The following ARL10 variants were observed in gnomAD, a reference collection of about 807,000 sequenced individuals.
The protein encoded by ARL10 is ADP-ribosylation factor-like protein 10.
ARL10 carries 23 observed loss-of-function variants against 26.1 expected under a neutral mutation model. The ratio of observed to expected loss-of-function variants is 0.88; its 90% CI spans 0.63 to 1.25. ARL10 has a LOEUF of 1.25. ARL10 is among the 50% of genes most tolerant of loss of function. The probability of loss-of-function intolerance (pLI) is 0.00; values close to 1 mark genes in which losing one functional copy is unlikely to be tolerated. For synonymous variants in ARL10, 138 were observed against 149.1 expected (o/e 0.93, Z 0.54); for missense variants, 300 against 323.6 (o/e 0.93, Z 0.56).
chr5:176,414,900 G>A, the ARL10 span, among the ~76,000 whole-genome samples: 2 of 152,200 alleles, frequency 1.3e-5, no homozygotes, highest in African/African-American at 4.8e-5. Flanking sequence ...ACACACAGTA[G>A]GTGCTCAGTA....
At chr5:176,415,008 G>A in the ARL10 span, among the ~76,000 whole-genome samples, 4 of 152,076 alleles carry the variant, frequency 2.6e-5, no homozygotes, top group Non-Finnish European at 5.9e-5. Context: ...ACTACAACAG[G>A]CCCATAAACC....
At position 176,375,223 on chromosome 5, in the gene ARL10, C is replaced by CCCACCCAT. The variant is rs1768659857; in HGVS notation, c.*3331_*3332insCCCATCCA. 2 of 90,474 alleles carry CCCACCCAT rather than the reference C, an allele frequency of 2.2e-5. No individual in the cohort carries two copies. The highest frequency in any genetic ancestry group is 3.8e-4 in the East Asian group (1 of 2,652). The allele number at this position is 90,474 out of a possible 1,614,324, so 5.6% of individuals were successfully genotyped here. A position where few individuals can be genotyped will look rare whatever the true frequency, so the allele number is the denominator to read the frequency against. On this transcript the variant is annotated 3_prime_UTR_variant, in exon 4 of 4. Coordinates refer to ENST00000310389, the MANE Select transcript of ARL10 (RefSeq NM_173664.6). Reference sequence around the variant, plus strand: ...ATCCATCCACTCATCCACCCATCCACCCATCCATCCATCCATCCATCCATC... The same window carrying CCCACCCAT: ...ATCCATCCACTCATCCACCCATCCACCCACCCATCCATCCATCCATCCATCCATCCATC...
In ARL10 at chr5:176,374,006, A is replaced by G. The variant is rs2113557395; in HGVS notation, c.*2111A>G. 6.6e-6 allele frequency: 1 copy of G among 152,324 alleles called. No individual in the cohort carries two copies. Among genetic ancestry groups the G allele is most frequent in the East Asian group, 1.9e-4 (1 of 5,176 alleles). 9.4% of individuals were successfully genotyped at this position (152,324 alleles called of 1,614,324 possible). A position where few individuals can be genotyped will look rare whatever the true frequency, so the allele number is the denominator to read the frequency against. Reference sequence around the variant, plus strand: ...CACAATGTGTGTAGGCTACATTTATAGCCAGAGAAACGAAAATAACTTAGG... The same window carrying G: ...CACAATGTGTGTAGGCTACATTTATGGCCAGAGAAACGAAAATAACTTAGG... On this transcript the variant is annotated 3_prime_UTR_variant, in exon 4 of 4. Transcript: ENST00000310389.
rs889821303 is a variant in ARL10 at position 176,374,137 on chromosome 5, G to A, written c.*2242G>A. The A allele has an allele frequency of 6.6e-5, 10 of 152,154 alleles. No individual in the cohort carries two copies. The highest frequency in any genetic ancestry group is 2.4e-4 in the African/African-American group (10 of 41,424). 9.4% of individuals were successfully genotyped at this position (152,154 alleles called of 1,614,324 possible). A position where few individuals can be genotyped will look rare whatever the true frequency, so the allele number is the denominator to read the frequency against. ...TGGCTGCTGTGATTGGCTAAAATTC[G>A]GCTACTTGTTAGAAGAACATACTTT... On this transcript the variant is annotated 3_prime_UTR_variant, in exon 4 of 4. Transcript: ENST00000310389.
downstream of ARL10, chr5:176,392,598 G>T: frequency 1.6e-6 from 1 of 643,404 alleles, no homozygotes; most frequent in Non-Finnish European, 2.7e-6. The surrounding 1 kb of genome is among the most constrained non-coding windows in gnomAD (Gnocchi z 5.2). Context: ...GGACCAGAGG[G>T]CCAGGAGGGA....
chr5:176,393,323 G>A (rs1756342416), downstream of ARL10, among the ~76,000 whole-genome samples: 1 of 152,090 alleles, frequency 6.6e-6, no homozygotes, highest in African/African-American at 2.4e-5. The surrounding 1 kb of genome is among the most constrained non-coding windows in gnomAD (Gnocchi z 4.4). Flanking sequence ...GACCCTTGGA[G>A]GTCCTAGGAC....
chr5:176,393,071 CTT>C, downstream of ARL10: 1 of 1,077,340 alleles, frequency 9.3e-7, no homozygotes, highest in Non-Finnish European at 1.4e-6. The surrounding 1 kb of genome is among the most constrained non-coding windows in gnomAD (Gnocchi z 4.4). Context: ...GCCCCCCTGA[CTT>C]CAGAGGAGGG....
the ARL10 span, among the ~76,000 whole-genome samples, chr5:176,410,839 T>A: frequency 6.6e-6 from 1 of 152,032 alleles, no homozygotes; most frequent in African/African-American, 2.4e-5. Flanking sequence ...CAGAAGCACC[T>A]GGCATATTTT....
chr5:176,394,597 C>G (rs185113496), intron 1 of ARL10, among the ~76,000 whole-genome samples: 1 of 147,762 alleles, frequency 6.8e-6, no homozygotes, highest in East Asian at 1.9e-4. Flanking sequence ...GTGGGCGGAT[C>G]ACGAGGTCAG....
chr5:176,406,721 G>A (rs766839366), downstream of ARL10: 2 of 1,281,478 alleles, frequency 1.6e-6, no homozygotes, highest in South Asian at 1.3e-5. Context: ...GCAGAAAAGA[G>A]GAAGAAAGGA....
downstream of ARL10, chr5:176,384,329 G>C (rs1755659502): frequency 3.7e-6 from 6 of 1,614,240 alleles, no homozygotes; most frequent in Non-Finnish European, 5.1e-6. Context: ...CTCCGAATCT[G>C]TTTTGGGGTA....
downstream of ARL10, chr5:176,384,563 G>T: frequency 1.6e-6 from 1 of 608,178 alleles, no homozygotes; most frequent in Non-Finnish European, 2.8e-6. Flanking sequence ...GAGGTGGGAG[G>T]ATCTCTTGAG....
Position 176,393,702 on chromosome 5 carries a change from A to G in ARL10, c.134-8039A>G, listed in dbSNP as rs965166305. ...TGGAGTCTGCTTTTGGTTGGAATCA[A>G]GTTAGGATGAAAACTGGCGGTCCTT... On this transcript the variant is annotated intron_variant, in intron 1 of 1. Transcript: ENST00000514533. This position sits in a 1 kb window ranked among gnomAD's most constrained non-coding sequence, Gnocchi z 4.4. Among the ~76,000 whole-genome samples, 1 of 152,154 alleles carries G rather than the reference A, an allele frequency of 6.6e-6. No homozygotes were observed. The highest frequency in any genetic ancestry group is 1.5e-5 in the Non-Finnish European group (1 of 68,016).
the ARL10 span, among the ~76,000 whole-genome samples, chr5:176,414,432 C>CT: frequency 0.012 from 1,597 of 134,684 alleles, 17 homozygotes; most frequent in Admixed American, 0.014. Context: ...GCTATAGAAT[C>CT]TTTTTTTTTT....
downstream of ARL10, chr5:176,392,692 G>T: frequency 6.6e-7 from 1 of 1,505,856 alleles, no homozygotes. This position sits in a 1 kb window ranked among gnomAD's most constrained non-coding sequence, Gnocchi z 5.2. Flanking sequence ...CAGCTGCTGC[G>T]AGTCTCCACC....
Position 176,387,517 on chromosome 5 carries a change from A to G in ARL10, c.37-778A>G, listed in dbSNP as rs186448678. ...TTCTTTCATGCCAGAGGAAAATGGCACTACCATTTCTTGAATAAATGTGAG... is the reference window on the plus strand; with the variant it reads ...TTCTTTCATGCCAGAGGAAAATGGCGCTACCATTTCTTGAATAAATGTGAG... On this transcript the variant is annotated intron_variant, in intron 1 of 1. Coordinates refer to the ARL10 transcript ENST00000503175. Among the ~76,000 whole-genome samples the G allele has an allele frequency of 5.4e-3, 824 of 152,368 alleles. 7 individuals are homozygous for G. Among genetic ancestry groups the G allele is most frequent in the African/African-American group, 0.019 (799 of 41,586 alleles).
downstream of ARL10, chr5:176,384,322 C>T (rs778792802): frequency 1.1e-5 from 17 of 1,614,086 alleles, no homozygotes; most frequent in Admixed American, 5.0e-5. Context: ...GATCTTACTC[C>T]GAATCTGTTT....
chr5:176,389,451 C>G (rs1379788857), downstream of ARL10: 1 of 1,614,154 alleles, frequency 6.2e-7, no homozygotes, highest in Admixed American at 1.7e-5. Context: ...ACGGTCGCAG[C>G]CATCTTGCTG....
At chr5:176,409,896 C>T in the ARL10 span, among the ~76,000 whole-genome samples, 34 of 152,318 alleles carry the variant, frequency 2.2e-4, no homozygotes, top group Non-Finnish European at 5.9e-5. Flanking sequence ...GATCAAAGGG[C>T]CCGCCCTGTG....
Sources: gnomAD v4.1 joint callset for allele counts (sites outside exome capture counted in the v4.1 genomes callset) on GRCh38, gnomAD v4.1.1 for gene constraint, Gnocchi (gnomAD v3.1) non-coding constraint, MANE v1.5 for transcripts, NCBI Gene and HGNC (gene_info 2026-07-23, HGNC 2026-07-21) for gene names.